CDK17: variants seen among roughly 807,000 people sequenced by gnomAD.
CDK17 encodes cyclin dependent kinase 17.
CDK17 carries 24 observed loss-of-function variants against 77.6 expected under a neutral mutation model. The ratio of observed to expected loss-of-function variants is 0.31; its 90% CI spans 0.22 to 0.44. The LOEUF is 0.44. Among genes scored for constraint, CDK17 ranks in the 20% least tolerant of loss-of-function variants. The pLI is 1.00. For missense variants in CDK17, 429 were observed against 622.5 expected (o/e 0.69, Z 3.31); for synonymous variants, 203 against 210.4 (o/e 0.96, Z 0.30).
chr12:96,299,344 T>C (rs1239055131), intron 6 of CDK17, among the ~76,000 whole-genome samples: 1 of 152,156 alleles, frequency 6.6e-6, no homozygotes, highest in Non-Finnish European at 1.5e-5. Context: ...TTGAACATAT[T>C]AATTGAAAAA....
At chr12:96,369,958 A>G (rs1324230499) in intron 1 of CDK17, among the ~76,000 whole-genome samples, 1 of 152,108 alleles carries the variant, frequency 6.6e-6, no homozygotes, top group African/African-American at 2.4e-5. Context: ...CCAGGGAAGG[A>G]TATTTTGCTA....
At chr12:96,301,333 C>G (rs1423735825) in intron 5 of CDK17, among the ~76,000 whole-genome samples, 4 of 150,928 alleles carry the variant, frequency 2.7e-5, no homozygotes, top group African/African-American at 9.7e-5. Context: ...AAAACTTGAG[C>G]TCGCCTGACT....
chr12:96,289,297 G>A lies in CDK17; in HGVS notation c.998-10C>T, dbSNP rs769661692. The A allele has an allele frequency of 3.5e-5, 56 of 1,613,456 alleles. No individual in the cohort carries two copies. The Admixed American group carries it at 9.2e-4, about 26-fold the overall frequency. ...TTGGCTCGGGCTAGTCCTTCATAGG[G>A]AAAATAAAACAAAGGGTTAAGAAAA... On this transcript the variant is annotated splice_polypyrimidine_tract_variant and intron_variant, in intron 10 of 16. Transcript: ENST00000261211.
chr12:96,381,824 AAAG>A (rs1463521673), intron 1 of CDK17, among the ~76,000 whole-genome samples: 1 of 152,108 alleles, frequency 6.6e-6, no homozygotes, highest in South Asian at 2.1e-4. Flanking sequence ...AAAATTAAAA[AAAG>A]AAGATGCCAG....
chr12:96,329,566 A>T (rs534604401), intron 2 of CDK17, among the ~76,000 whole-genome samples: 1 of 152,134 alleles, frequency 6.6e-6, no homozygotes, highest in African/African-American at 2.4e-5. Context: ...TCTTTCAAAC[A>T]TTATTACTAG....
intron 2 of CDK17, among the ~76,000 whole-genome samples, chr12:96,329,065 GTTCCACTCATATGAGGTACC>G (rs1203570416): frequency 2.0e-5 from 3 of 152,102 alleles, no homozygotes; most frequent in Non-Finnish European, 4.4e-5. Context: ...ATATTATATG[GTTCCACTCATATGAGGTACC>G]TAGAATAGGC....
intron 5 of CDK17, among the ~76,000 whole-genome samples, chr12:96,302,756 C>T (rs1565810620): frequency 6.6e-6 from 1 of 152,168 alleles, no homozygotes; most frequent in East Asian, 1.9e-4. Context: ...GTTACTATGA[C>T]AAAATGTCGA....
Position 96,282,887 on chromosome 12 carries a change from C to T in CDK17, c.1366-288G>A, listed in dbSNP as rs571130238. On this transcript the variant is annotated intron_variant, in intron 14 of 16. Coordinates refer to ENST00000261211, the MANE Select transcript of CDK17 (RefSeq NM_002595.5). Reference sequence around the variant, plus strand: ...AGCAAAGAAAAATTAAAATATTTGACCTGTGTAGTTACTTCTCTTCATGAA... The same window carrying T: ...AGCAAAGAAAAATTAAAATATTTGATCTGTGTAGTTACTTCTCTTCATGAA... 8.9e-4 allele frequency among the ~76,000 whole-genome samples: 136 copies of T among 152,242 alleles called. 1 individual carries two copies. The Middle Eastern group carries it at 0.01, about 11-fold the overall frequency.
chr12:96,378,117 T>C (rs1953817337), intron 1 of CDK17, among the ~76,000 whole-genome samples: 2 of 152,236 alleles, frequency 1.3e-5, no homozygotes, highest in African/African-American at 4.8e-5. Flanking sequence ...ATGGTACTTA[T>C]TGGCAGGAAG....
chr12:96,346,554 AG>A (rs1953213955), intron 1 of CDK17, among the ~76,000 whole-genome samples: 1 of 151,750 alleles, frequency 6.6e-6, no homozygotes, highest in East Asian at 1.9e-4. Flanking sequence ...CTTGAATCCG[AG>A]AAGCGCAGCT....
chr12:96,294,648 T>C (rs1952378312), intron 10 of CDK17, among the ~76,000 whole-genome samples: 1 of 150,774 alleles, frequency 6.6e-6, no homozygotes, highest in Non-Finnish European at 1.5e-5. Context: ...TGTATAGTTT[T>C]ATGCATTATT....
chr12:96,375,205 C>T (rs1342687152), intron 1 of CDK17, among the ~76,000 whole-genome samples: 1 of 152,176 alleles, frequency 6.6e-6, no homozygotes, highest in Non-Finnish European at 1.5e-5. Context: ...AACTAACCTA[C>T]ACCAGTTATC....
At chr12:96,348,923 G>C (rs905306158) in intron 1 of CDK17, among the ~76,000 whole-genome samples, 13 of 151,964 alleles carry the variant, frequency 8.6e-5, no homozygotes, top group African/African-American at 3.1e-4. Context: ...AACTGAAGAG[G>C]GGGTAACACT....
In CDK17 at chr12:96,399,992, G is replaced by C. The variant is rs1056610288; in HGVS notation, c.-36C>G. The C allele has an allele frequency of 6.3e-5, 24 of 381,358 alleles. 1 individual carries two copies. The Admixed American group carries it at 7.2e-4, about 11-fold the overall frequency. 23.6% of individuals were successfully genotyped at this position (381,358 alleles called of 1,614,324 possible). A position where few individuals can be genotyped will look rare whatever the true frequency, so the allele number is the denominator to read the frequency against. ...ACGCCAGCCGCCAACTCACCAGCAAGAGCGGGGACCGCGGGTCCCGAGGCG... is the reference window on the plus strand; with the variant it reads ...ACGCCAGCCGCCAACTCACCAGCAACAGCGGGGACCGCGGGTCCCGAGGCG... On this transcript the variant is annotated 5_prime_UTR_variant, in exon 1 of 17. Coordinates refer to ENST00000261211, the MANE Select transcript of CDK17 (RefSeq NM_002595.5).
At chr12:96,371,181 T>C (rs1953686784) in intron 1 of CDK17, among the ~76,000 whole-genome samples, 1 of 150,374 alleles carries the variant, frequency 6.7e-6, no homozygotes, top group Non-Finnish European at 1.5e-5. Flanking sequence ...TTATTTCTCA[T>C]TGTGTATTTC....
At chr12:96,298,772 T>G in intron 7 of CDK17, 97 bp downstream of exon 7, 2 of 621,002 alleles carry the variant, frequency 3.2e-6, no homozygotes, top group African/African-American at 1.9e-5. Context: ...CATCTTCCAG[T>G]CATTTATTAC....
chr12:96,324,165 T>C, intron 2 of CDK17, 53 bp from the exon 3 acceptor site: 1 of 1,442,294 alleles, frequency 6.9e-7, no homozygotes, highest in South Asian at 1.5e-5. Flanking sequence ...AGATCCAGGA[T>C]CACATGAGAA....
intron 1 of CDK17, among the ~76,000 whole-genome samples, chr12:96,338,673 G>C (rs1300834349): frequency 6.6e-6 from 1 of 152,006 alleles, no homozygotes; most frequent in African/African-American, 2.4e-5. Context: ...TTACAGGCAT[G>C]AGACACTGCG....
At chr12:96,308,853 T>TAG (rs1952612053) in intron 5 of CDK17, among the ~76,000 whole-genome samples, 1 of 151,902 alleles carries the variant, frequency 6.6e-6, no homozygotes, top group South Asian at 2.1e-4. Flanking sequence ...AAGTGGGTAT[T>TAG]AGGTGGTATT....
Sources: allele counts gnomAD v4.1 joint callset (sites outside exome capture counted in the v4.1 genomes callset), GRCh38; gene constraint gnomAD v4.1.1; transcripts MANE v1.5; gene names NCBI Gene and HGNC (gene_info 2026-07-23, HGNC 2026-07-21).